CNBD1: variants seen among roughly 807,000 people sequenced by gnomAD.
CNBD1 encodes the protein cyclic nucleotide binding domain containing 1, also known as cyclic nucleotide-binding domain-containing protein 1.
CNBD1 carries 71 observed loss-of-function variants against 54.4 expected under a neutral mutation model. The observed-to-expected ratio is 1.30, with a 90% CI of 1.08 to 1.59. The LOEUF (loss-of-function observed/expected upper bound fraction) is 1.59, where lower values mean the gene tolerates loss of function less well. CNBD1 is among the 40% of genes most tolerant of loss of function. CNBD1 has a pLI of 0.00. For missense variants in CNBD1, 659 were observed against 518.0 expected, an observed-to-expected ratio of 1.27 and a Z score of -2.64; for synonymous variants, 182 against 170.7, an observed-to-expected ratio of 1.07 and a Z score of -0.51.
chr8:87,035,225 C>A (rs73275721), intron 4 of CNBD1, among the ~76,000 whole-genome samples: 4,571 of 152,108 alleles, frequency 0.03, 237 homozygotes, highest in African/African-American at 0.1. Flanking sequence ...ATGTTTGTTA[C>A]ATGTGTATAT....
intron 3 of CNBD1, among the ~76,000 whole-genome samples, chr8:86,913,406 C>T (rs1344875542): frequency 2.6e-5 from 4 of 152,024 alleles, no homozygotes; most frequent in African/African-American, 9.7e-5. Context: ...GGGGAACCTG[C>T]CCCCGATAAT....
At chr8:87,243,626 G>T (rs926740384) in intron 6 of CNBD1, among the ~76,000 whole-genome samples, 1 of 151,972 alleles carries the variant, frequency 6.6e-6, no homozygotes, top group Non-Finnish European at 1.5e-5. Context: ...TTTTGAAAGT[G>T]GTGTTTTATA....
At chr8:87,405,818 C>A (rs1166985599) in intron 2 of CNBD1, among the ~76,000 whole-genome samples, 1 of 152,118 alleles carries the variant, frequency 6.6e-6, no homozygotes, top group Non-Finnish European at 1.5e-5. Flanking sequence ...TTTAGAGATT[C>A]TGAAACCAGC....
intron 8 of CNBD1, among the ~76,000 whole-genome samples, chr8:87,342,185 A>G (rs927319082): frequency 6.6e-6 from 1 of 150,940 alleles, no homozygotes; most frequent in South Asian, 2.1e-4. Flanking sequence ...AGGCAGGAGA[A>G]TGGCCAGAAC....
At chr8:87,252,852 C>T (rs965100130) in intron 6 of CNBD1, among the ~76,000 whole-genome samples, 1 of 151,956 alleles carries the variant, frequency 6.6e-6, no homozygotes, top group African/African-American at 2.4e-5. Flanking sequence ...GCTGCGTGGC[C>T]AAATATGCCT....
chr8:87,338,615 CT>C (rs1222982822), intron 8 of CNBD1, among the ~76,000 whole-genome samples: 1 of 126,462 alleles, frequency 7.9e-6, no homozygotes, highest in South Asian at 2.4e-4. Flanking sequence ...TTCATTTTTT[CT>C]TTGTTTTTTT....
intron 3 of CNBD1, among the ~76,000 whole-genome samples, chr8:86,916,052 C>T (rs1809179375): frequency 6.6e-6 from 1 of 151,998 alleles, no homozygotes; most frequent in Non-Finnish European, 1.5e-5. Context: ...CCATCATGGT[C>T]TCAGAGAAAA....
intron 4 of CNBD1, among the ~76,000 whole-genome samples, chr8:87,154,895 C>T (rs1026598311): frequency 1.3e-5 from 2 of 151,984 alleles, no homozygotes; most frequent in African/African-American, 2.4e-5. Context: ...TCCAACTTTA[C>T]TCACTCCACG....
At chr8:86,868,048 G>T (rs1380693719) in intron 1 of CNBD1, among the ~76,000 whole-genome samples, 1 of 152,168 alleles carries the variant, frequency 6.6e-6, no homozygotes, top group Admixed American at 6.5e-5. Flanking sequence ...TTTGCTAACT[G>T]TAGCAAGACA....
At chr8:87,425,898 G>T (rs1586096171) in intron 2 of CNBD1, among the ~76,000 whole-genome samples, 1 of 152,124 alleles carries the variant, frequency 6.6e-6, no homozygotes, top group Non-Finnish European at 1.5e-5. Flanking sequence ...CTGGGCAATG[G>T]CGGGCGCCCC....
At chr8:87,371,592 A>C (rs1810798505) in intron 10 of CNBD1, among the ~76,000 whole-genome samples, 1 of 152,030 alleles carries the variant, frequency 6.6e-6, no homozygotes, top group Non-Finnish European at 1.5e-5. Flanking sequence ...TCCTCAATAA[A>C]ATACTGGCAA....
At chr8:86,947,863 AT>A (rs1204931373) in intron 4 of CNBD1, among the ~76,000 whole-genome samples, 1 of 151,892 alleles carries the variant, frequency 6.6e-6, no homozygotes, top group African/African-American at 2.4e-5. Flanking sequence ...TATTTATTCT[AT>A]TTTTTTGGTA....
rs966519168 is a variant in CNBD1, at chr8:87,073,296, C to A, written c.432-132697C>A. On this transcript the variant is annotated intron_variant, in intron 4 of 10. Transcript: ENST00000518476. ...GTTATTACTCACCTTGTGAAGCCTA[C>A]TTCTGTCAATTCAGCCATTTTAGCC... Among the ~76,000 whole-genome samples, 24 of 152,024 alleles carry A rather than the reference C, an allele frequency of 1.6e-4. 1 individual carries two copies. Among genetic ancestry groups the A allele is most frequent in the Non-Finnish European group, 3.1e-4 (21 of 68,010 alleles).
Position 87,332,625 on chromosome 8 carries a change from A to G in CNBD1, c.1043-19060A>G, listed in dbSNP as rs1809859355. Among the ~76,000 whole-genome samples the G allele has an allele frequency of 2.0e-5, 3 of 152,168 alleles. No homozygotes were observed. The South Asian group carries it at 6.2e-4, about 32-fold the overall frequency. The stretch of plus-strand genomic sequence containing the variant: ...CTGGCCAGTTTTTGCAGCACTGTTT[A>G]TTGTAGGGAATCCTTTCCCCATTGC... On this transcript the variant is annotated intron_variant, in intron 8 of 10. Coordinates refer to ENST00000518476, the MANE Select transcript of CNBD1 (RefSeq NM_173538.3).
At chr8:87,296,034 A>G (rs1231958607) in intron 8 of CNBD1, among the ~76,000 whole-genome samples, 3 of 151,864 alleles carry the variant, frequency 2.0e-5, no homozygotes, top group African/African-American at 7.3e-5. Flanking sequence ...GCTTGGTGCT[A>G]TTGATTGTCT....
At chr8:86,996,893 C>G (rs1228062777) in intron 4 of CNBD1, among the ~76,000 whole-genome samples, 2 of 152,130 alleles carry the variant, frequency 1.3e-5, no homozygotes, top group East Asian at 3.9e-4. Context: ...TGAGGACCAG[C>G]TTTATAATTC....
At chr8:87,087,476 T>C (rs1387430339) in intron 4 of CNBD1, among the ~76,000 whole-genome samples, 1 of 147,526 alleles carries the variant, frequency 6.8e-6, no homozygotes, top group Non-Finnish European at 1.5e-5. Flanking sequence ...TTTTTTTTTT[T>C]TTTTTGAGTT....
chr8:87,025,664 A>G (rs1809627498), intron 4 of CNBD1, among the ~76,000 whole-genome samples: 2 of 152,110 alleles, frequency 1.3e-5, no homozygotes, highest in African/African-American at 4.8e-5. Context: ...AAGACAACGA[A>G]CCCAGTGGGT....
chr8:87,410,446 C>A (rs1364332438), intron 2 of CNBD1, among the ~76,000 whole-genome samples: 1 of 152,026 alleles, frequency 6.6e-6, no homozygotes, highest in African/African-American at 2.4e-5. Context: ...TCAACATTAA[C>A]AGGAGTAACT....
Sources: gnomAD v4.1 joint callset for allele counts (sites outside exome capture counted in the v4.1 genomes callset) on GRCh38, gnomAD v4.1.1 for gene constraint, MANE v1.5 for transcripts, NCBI Gene and HGNC (gene_info 2026-07-23, HGNC 2026-07-21) for gene names.